CDC40: variants seen among roughly 807,000 people sequenced by gnomAD.
CDC40 encodes the protein pre-mRNA-processing factor 17.
In CDC40, 27 loss-of-function variants were observed where a neutral mutation model predicts 80.6. The ratio of observed to expected loss-of-function variants is 0.33; its 90% CI spans 0.25 to 0.46. CDC40 has a LOEUF of 0.46. CDC40 is among the 20% of genes least tolerant of loss of function. CDC40 has a pLI of 1.00. For missense variants in CDC40, 486 were observed against 694.1 expected (o/e 0.70, Z 3.37); for synonymous variants, 221 against 232.6 (o/e 0.95, Z 0.45).
At chr6:110,193,588 G>A (rs912771824) in intron 2 of CDC40, among the ~76,000 whole-genome samples, 18 of 151,924 alleles carry the variant, frequency 1.2e-4, no homozygotes, top group African/African-American at 4.4e-4. Flanking sequence ...TGTATTTTTA[G>A]TAGAGACGGG....
intron 1 of CDC40, among the ~76,000 whole-genome samples, chr6:110,182,412 G>T (rs1777210332): frequency 6.6e-6 from 1 of 152,108 alleles, no homozygotes; most frequent in Non-Finnish European, 1.5e-5. Context: ...AATTCAGTGT[G>T]TCGAAAAATT....
At chr6:110,182,359 A>T (rs1777209702) in intron 1 of CDC40, among the ~76,000 whole-genome samples, 1 of 152,190 alleles carries the variant, frequency 6.6e-6, no homozygotes, top group Non-Finnish European at 1.5e-5. Flanking sequence ...CTCCCACAGT[A>T]ATTGTACATT....
At chr6:110,208,344 C>G (rs996802681) in intron 4 of CDC40, among the ~76,000 whole-genome samples, 1 of 152,170 alleles carries the variant, frequency 6.6e-6, no homozygotes, top group African/African-American at 2.4e-5. Flanking sequence ...CAAGTCCCAT[C>G]TAAAGGTAGC....
At chr6:110,212,880 T>G (rs1443867572) in intron 7 of CDC40, among the ~76,000 whole-genome samples, 2 of 152,124 alleles carry the variant, frequency 1.3e-5, no homozygotes, top group Non-Finnish European at 2.9e-5. Flanking sequence ...GAACTCAATA[T>G]TAAAGGTTAA....
chr6:110,190,156 T>C (rs75129945), intron 1 of CDC40, among the ~76,000 whole-genome samples: 1 of 152,228 alleles, frequency 6.6e-6, no homozygotes, highest in South Asian at 2.1e-4. Context: ...GAGTACAGCA[T>C]TTTTTTAGGA....
intron 12 of CDC40, among the ~76,000 whole-genome samples, chr6:110,222,591 C>T (rs977269432): frequency 6.6e-6 from 1 of 152,016 alleles, no homozygotes; most frequent in Non-Finnish European, 1.5e-5. Context: ...CAACAAAAAA[C>T]AGTTTTCAGT....
chr6:110,207,030 A>G (rs921176825), intron 3 of CDC40, among the ~76,000 whole-genome samples: 1 of 152,086 alleles, frequency 6.6e-6, no homozygotes, highest in African/African-American at 2.4e-5. Flanking sequence ...AATATAGCTC[A>G]GGGGCCGGGA....
In CDC40 at chr6:110,219,888, A is replaced by G; in HGVS notation, c.1340+19A>G. The G allele has an allele frequency of 1.2e-6, 2 of 1,607,740 alleles. No individual in the cohort carries two copies. The highest frequency in any genetic ancestry group is 1.7e-6 in the Non-Finnish European group (2 of 1,177,400). ...GGGAATGGTGAGTTTCCATCAGTAG[A>G]AAATCTGATTTACATAAAGCAAGCA... On this transcript the variant is annotated intron_variant, in intron 12 of 14. Transcript: ENST00000307731.
chr6:110,215,427 ACT>A, intron 9 of CDC40, 96 bp downstream of exon 9: 1 of 963,702 alleles, frequency 1.0e-6, no homozygotes. Context: ...TAGGAAGTAA[ACT>A]CTTCATAGAT....
chr6:110,206,330 G>GA (rs1253155550), intron 3 of CDC40, among the ~76,000 whole-genome samples: 3 of 152,100 alleles, frequency 2.0e-5, no homozygotes, highest in Admixed American at 1.3e-4. Context: ...GTGCCCTTTA[G>GA]AAAAAATGGG....
intron 12 of CDC40, among the ~76,000 whole-genome samples, chr6:110,225,317 G>A (rs992402700): frequency 1.3e-5 from 2 of 152,016 alleles, no homozygotes; most frequent in African/African-American, 4.8e-5. Context: ...GCAACAAGAC[G>A]AAAACTCCTT....
At position 110,197,983 on chromosome 6, in the gene CDC40, A is replaced by T. The variant is rs973425563; in HGVS notation, c.277-3575A>T. On this transcript the variant is annotated intron_variant, in intron 2 of 14. Coordinates refer to ENST00000307731, the MANE Select transcript of CDC40 (RefSeq NM_015891.3). ...TTGAGGAGCCTCCATACCATTTTCCATAGTGGCTGCACTAATTTCCATTCC... is the reference window on the plus strand; with the variant it reads ...TTGAGGAGCCTCCATACCATTTTCCTTAGTGGCTGCACTAATTTCCATTCC... 2.0e-5 allele frequency among the ~76,000 whole-genome samples: 3 copies of T among 152,102 alleles called. No individual in the cohort carries two copies. The East Asian group carries it at 5.8e-4, about 29-fold the overall frequency.
intron 14 of CDC40, among the ~76,000 whole-genome samples, chr6:110,229,463 A>C (rs1777907574): frequency 6.6e-6 from 1 of 152,210 alleles, no homozygotes; most frequent in Non-Finnish European, 1.5e-5. Context: ...CTTAGTTAAA[A>C]TGTATAGGCA....
intron 12 of CDC40, among the ~76,000 whole-genome samples, chr6:110,225,536 A>G (rs951664640): frequency 6.6e-6 from 1 of 151,884 alleles, no homozygotes; most frequent in Admixed American, 6.6e-5. Context: ...CCAGGTACCA[A>G]GCATTTATTT....
At chr6:110,193,627 A>G (rs1048452058) in intron 2 of CDC40, among the ~76,000 whole-genome samples, 4 of 151,952 alleles carry the variant, frequency 2.6e-5, no homozygotes, top group East Asian at 3.9e-4. Flanking sequence ...GGATGGTCTC[A>G]ATCTCCTGAC....
intron 1 of CDC40, among the ~76,000 whole-genome samples, chr6:110,184,198 G>T (rs1584058133): frequency 6.6e-6 from 1 of 152,146 alleles, no homozygotes; most frequent in South Asian, 2.1e-4. Context: ...CTTGATAGGT[G>T]ATAGGGCAGT....
At chr6:110,210,677 A>G (rs1777626656) in intron 5 of CDC40, 30 bp from the exon 6 acceptor site, 1 of 1,335,032 alleles carries the variant, frequency 7.5e-7, no homozygotes, top group South Asian at 1.5e-5. Flanking sequence ...TAGAACATTC[A>G]TTTTAAATTT....
chr6:110,210,669 G>A, intron 5 of CDC40, 38 bp from the exon 6 acceptor site: 1 of 1,221,046 alleles, frequency 8.2e-7, no homozygotes, highest in Non-Finnish European at 1.1e-6. Context: ...TGAGGTTCTA[G>A]AACATTCATT....
chr6:110,206,281 T>C (rs1777561868), intron 3 of CDC40, among the ~76,000 whole-genome samples: 1 of 152,154 alleles, frequency 6.6e-6, no homozygotes, highest in East Asian at 1.9e-4. Context: ...GGGACTACTT[T>C]GGATGAAAAA....
Sources: gnomAD v4.1 joint callset for allele counts (sites outside exome capture counted in the v4.1 genomes callset) on GRCh38, gnomAD v4.1.1 for gene constraint, MANE v1.5 for transcripts, NCBI Gene and HGNC (gene_info 2026-07-23, HGNC 2026-07-21) for gene names.